Variants in ARHGEF18 observed in about 807,000 individuals in gnomAD.
ARHGEF18 encodes Rho/Rac guanine nucleotide exchange factor 18, also known as rho guanine nucleotide exchange factor 18.
ARHGEF18 carries 93 observed loss-of-function variants against 155.7 expected under a neutral mutation model. The ratio of observed to expected loss-of-function variants is 0.60; its 90% CI spans 0.50 to 0.71. The LOEUF is 0.71. ARHGEF18 is among the 30% of genes least tolerant of loss of function. The probability of loss-of-function intolerance (pLI) is 0.00; values close to 1 mark genes in which losing one functional copy is unlikely to be tolerated. For missense variants in ARHGEF18, 1,593 were observed against 1,816.1 expected (o/e 0.88, Z 2.23); for synonymous variants, 742 against 753.1 (o/e 0.99, Z 0.24).
At chr19:7,350,105 A>G (rs1409862450) in intron 1 of ARHGEF18, among the ~76,000 whole-genome samples, 4 of 151,722 alleles carry the variant, frequency 2.6e-5, no homozygotes, top group Non-Finnish European at 4.4e-5. Flanking sequence ...TCTTAGGGGG[A>G]CCTCCTGCAC....
chr19:7,470,274 C>A lies in ARHGEF18; in HGVS notation c.4062C>A (p.Ser1354Arg). ...CACTCAGCGCCAAGGAGGACGCCAGCAAAGAAGACGTCATCTTCTTCTAAA... is the reference window on the plus strand; with the variant it reads ...CACTCAGCGCCAAGGAGGACGCCAGAAAAGAAGACGTCATCTTCTTCTAAA... ...ATPLSAKEDA[S>R]KEDVIFF The change falls in exon 29 of 29, where the codon AGC becomes AGA. Residue 1354 changes from serine (S) to arginine (R), a missense_variant. Transcript: ENST00000668164. The surrounding 1 kb of genome is among the most constrained non-coding windows in gnomAD (Gnocchi z 5.9). The A allele has an allele frequency of 3.9e-6, 6 of 1,552,310 alleles. No homozygotes were observed. Among genetic ancestry groups the A allele is most frequent in the Non-Finnish European group, 4.3e-6 (5 of 1,151,784 alleles).
chr19:7,383,328 G>A (rs1014537406), intron 10 of ARHGEF18, 125 bp downstream of exon 10: 12 of 1,116,592 alleles, frequency 1.1e-5, no homozygotes, highest in African/African-American at 4.8e-5. Context: ...CCCTCTCCTC[G>A]GCGGCTCCCT....
chr19:7,383,616 C>T (rs73923387), intron 10 of ARHGEF18, among the ~76,000 whole-genome samples: 8,095 of 152,066 alleles, frequency 0.053, 705 homozygotes, highest in African/African-American at 0.18. Flanking sequence ...CCATTCCAGG[C>T]GTCTCTCCTG....
intron 10 of ARHGEF18, among the ~76,000 whole-genome samples, chr19:7,402,395 G>A (rs1215600687): frequency 3.3e-5 from 5 of 152,092 alleles, no homozygotes; most frequent in Admixed American, 3.3e-4. Flanking sequence ...CTTCAGCCTG[G>A]GCAACTGAGC....
rs1395218905 is a variant in ARHGEF18, at chr19:7,463,663, G to A, written c.2636-155G>A. 6.6e-6 allele frequency among the ~76,000 whole-genome samples: 1 copy of A among 152,212 alleles called. No homozygotes were observed. Among genetic ancestry groups the A allele is most frequent in the Non-Finnish European group, 1.5e-5 (1 of 68,042 alleles). ...TGAAGTAAGGGTGTGCGCAGGGACA[G>A]TGGGGCTGAAATCCCACGGCACACA... On this transcript the variant is annotated intron_variant, in intron 21 of 28. Transcript: ENST00000668164. The surrounding 1 kb of genome is among the most constrained non-coding windows in gnomAD (Gnocchi z 5.2).
chr19:7,362,313 A>C (rs1288744144), intron 1 of ARHGEF18, among the ~76,000 whole-genome samples: 1 of 147,746 alleles, frequency 6.8e-6, no homozygotes, highest in Non-Finnish European at 1.5e-5. Context: ...AAGGAGGAAG[A>C]AGAAGGAAGA....
At chr19:7,461,617 T>C (rs183482827) in intron 20 of ARHGEF18, among the ~76,000 whole-genome samples, 64 of 152,288 alleles carry the variant, frequency 4.2e-4, no homozygotes, top group African/African-American at 1.4e-3. Context: ...TCTAAGTTGG[T>C]CCCAGACTAA....
chr19:7,442,754 T>A (rs113082606), intron 13 of ARHGEF18, among the ~76,000 whole-genome samples: 167 of 152,330 alleles, frequency 1.1e-3, no homozygotes, highest in African/African-American at 3.9e-3. Flanking sequence ...AGAAGTTTAT[T>A]GCTTACAGTT....
rs1254351681 is a variant in ARHGEF18, at chr19:7,376,662, A to C, written c.446A>C (p.Lys149Thr). Residue 149 changes from lysine (K) to threonine (T), a missense_variant, in exon 5 of 29, where the codon AAA (lysine) becomes ACA (threonine). By Grantham distance (78) the Lys-to-Thr change is moderately conservative. Coordinates refer to ENST00000668164, the MANE Select transcript of ARHGEF18 (RefSeq NM_001367823.1). ...SPGKECDSPK[K>T]RGRSRSVPVS... ...CTGCAGGAATGTGACAGCCCCAAGA[A>C]AAGAGGGAGGTCAAGGTCCGTTCCT... 1 of 1,234,310 alleles carries C rather than the reference A, an allele frequency of 8.1e-7. No individual in the cohort carries two copies. The highest frequency in any genetic ancestry group is 1.6e-5 in the African/African-American group (1 of 64,492). 76.5% of individuals were successfully genotyped at this position (1,234,310 alleles called of 1,614,324 possible).
intron 2 of ARHGEF18, 107 bp from the exon 3 acceptor site, chr19:7,372,704 AG>A: frequency 8.9e-7 from 1 of 1,125,106 alleles, no homozygotes; most frequent in Non-Finnish European, 1.1e-6. Flanking sequence ...GGTAGGGGAC[AG>A]GCAGGGTCTG....
Position 7,386,234 on chromosome 19 carries a change from C to CAA in ARHGEF18, c.967+3047_967+3048dup, listed in dbSNP as rs539106383. On this transcript the variant is annotated intron_variant, in intron 10 of 28. Coordinates refer to ENST00000668164, the MANE Select transcript of ARHGEF18 (RefSeq NM_001367823.1). ...GTAGAGACGGGCTCTTGCTATGTTG[C>CAA]AAAAAAAAAAAAAAAAAGACAAAGG... Among the ~76,000 whole-genome samples, 360 of 108,212 alleles carry CAA rather than the reference C, an allele frequency of 3.3e-3. 3 individuals are homozygous for CAA. Among genetic ancestry groups the CAA allele is most frequent in the African/African-American group, 6.0e-3 (183 of 30,702 alleles). The allele number at this position is 108,212 out of a possible 152,430, so 71.0% of individuals were successfully genotyped here.
chr19:7,461,028 CTG>C (rs1976215905), intron 20 of ARHGEF18, among the ~76,000 whole-genome samples: 1 of 151,846 alleles, frequency 6.6e-6, no homozygotes, highest in Non-Finnish European at 1.5e-5. Flanking sequence ...ACCTCGTGAT[CTG>C]CCTGCCTCGG....
chr19:7,354,308 G>C (rs547567370), intron 1 of ARHGEF18, among the ~76,000 whole-genome samples: 1 of 151,816 alleles, frequency 6.6e-6, no homozygotes, highest in South Asian at 2.1e-4. Context: ...GTGAGATCCT[G>C]TCTCAAAAAT....
At chr19:7,387,108 G>A (rs1971126433) in intron 10 of ARHGEF18, among the ~76,000 whole-genome samples, 3 of 152,110 alleles carry the variant, frequency 2.0e-5, no homozygotes, top group Admixed American at 2.0e-4. Context: ...TTCTAAGCCA[G>A]GGACTGGCAA....
At position 7,395,141 on chromosome 19, in the gene ARHGEF18, A is replaced by G. The variant is rs1357135018; in HGVS notation, c.967+11938A>G. 4 of 985,414 alleles carry G rather than the reference A, an allele frequency of 4.1e-6. No homozygotes were observed. Among genetic ancestry groups the G allele is most frequent in the East Asian group, 2.3e-4 (2 of 8,806 alleles). 61.0% of individuals were successfully genotyped at this position (985,414 alleles called of 1,614,324 possible). On this transcript the variant is annotated intron_variant, in intron 10 of 28. Coordinates refer to ENST00000668164, the MANE Select transcript of ARHGEF18 (RefSeq NM_001367823.1). The surrounding 1 kb of genome is among the most constrained non-coding windows in gnomAD (Gnocchi z 5.0). ...GCGCGGCTTCCCGCTTCCGGCTCCC[A>G]GCTGCTAGCTACTGTGGATCTGGGG...
intron 10 of ARHGEF18, among the ~76,000 whole-genome samples, chr19:7,428,687 A>G (rs1414197528): frequency 6.6e-6 from 1 of 152,098 alleles, no homozygotes; most frequent in Non-Finnish European, 1.5e-5. Flanking sequence ...AGCCTGGGCA[A>G]CAGAGTGAAA....
intron 10 of ARHGEF18, among the ~76,000 whole-genome samples, chr19:7,421,706 G>A (rs1418412935): frequency 2.0e-5 from 3 of 152,150 alleles, no homozygotes; most frequent in Non-Finnish European, 2.9e-5. Flanking sequence ...AGGCTGCAGT[G>A]AGCTGAGATG....
At chr19:7,378,330 C>A (rs1444383529) in intron 5 of ARHGEF18, 64 bp from the exon 6 acceptor site, 2 of 1,205,962 alleles carry the variant, frequency 1.7e-6, no homozygotes, top group Non-Finnish European at 2.1e-6. Context: ...GAGGGCTCTG[C>A]TGGGCTGGTC....
At chr19:7,396,403 A>T (rs1971710498) in intron 10 of ARHGEF18, among the ~76,000 whole-genome samples, 1 of 152,092 alleles carries the variant, frequency 6.6e-6, no homozygotes, top group African/African-American at 2.4e-5. Context: ...TGAGTGAATG[A>T]TTAATCCTCC....
Sources: allele counts gnomAD v4.1 joint callset (sites outside exome capture counted in the v4.1 genomes callset), GRCh38; gene constraint gnomAD v4.1.1; non-coding constraint Gnocchi (gnomAD v3.1); transcripts MANE v1.5; gene names NCBI Gene and HGNC (gene_info 2026-07-23, HGNC 2026-07-21).